KIF2A: variants seen among roughly 807,000 people sequenced by gnomAD.
KIF2A encodes kinesin family member 2A, also known as kinesin-like protein KIF2A.
A neutral mutation model predicts 100.2 loss-of-function variants in KIF2A; 22 were observed. The ratio of observed to expected loss-of-function variants is 0.22; its 90% confidence interval spans 0.16 to 0.31. KIF2A has a LOEUF of 0.31. KIF2A is among the 10% of genes least tolerant of loss of function. The pLI is 1.00. For synonymous variants in KIF2A, 268 were observed against 285.9 expected (o/e 0.94, Z 0.63); for missense variants, 495 against 898.7 (o/e 0.55, Z 5.74).
chr5:62,316,882 A>C (rs1745841435), intron 1 of KIF2A, among the ~76,000 whole-genome samples: 1 of 152,140 alleles, frequency 6.6e-6, no homozygotes, highest in Non-Finnish European at 1.5e-5. Context: ...AATTAATGAC[A>C]AAAAAATTAT....
chr5:62,320,487 T>C (rs146606129), intron 1 of KIF2A, among the ~76,000 whole-genome samples: 2 of 152,310 alleles, frequency 1.3e-5, no homozygotes, highest in East Asian at 3.9e-4. Flanking sequence ...TGTTTCCTCA[T>C]ACTCTTATCC....
At chr5:62,336,491 C>T (rs111964470) in intron 1 of KIF2A, among the ~76,000 whole-genome samples, 5 of 152,156 alleles carry the variant, frequency 3.3e-5, no homozygotes, top group Non-Finnish European at 7.3e-5. Flanking sequence ...AAATCATTAA[C>T]AGGATACCTA....
chr5:62,348,038 T>C lies in KIF2A; in HGVS notation c.160-10T>C. The C allele has an allele frequency of 2.5e-6, 4 of 1,613,490 alleles. No individual in the cohort carries two copies. Among genetic ancestry groups the C allele is most frequent in the Non-Finnish European group, 3.4e-6 (4 of 1,179,522 alleles). On this transcript the variant is annotated splice_polypyrimidine_tract_variant and intron_variant, in intron 2 of 20. Transcript: ENST00000407818. Reference sequence around the variant, plus strand: ...ACTCTCAAAAGACTATGTGTATGTGTTGTGAACAGATTGACCTGGAGAGCA... The same window carrying C: ...ACTCTCAAAAGACTATGTGTATGTGCTGTGAACAGATTGACCTGGAGAGCA...
At chr5:62,307,865 G>T (rs1745390359) in intron 1 of KIF2A, among the ~76,000 whole-genome samples, 1 of 152,136 alleles carries the variant, frequency 6.6e-6, no homozygotes, top group Non-Finnish European at 1.5e-5. Context: ...TGATCCACCT[G>T]CCTCGGCCTC....
chr5:62,351,741 A>G (rs1262254859), intron 4 of KIF2A, among the ~76,000 whole-genome samples: 1 of 152,170 alleles, frequency 6.6e-6, no homozygotes, highest in African/African-American at 2.4e-5. Flanking sequence ...TCTCTGCTGA[A>G]GATTTGCATA....
intron 1 of KIF2A, among the ~76,000 whole-genome samples, chr5:62,321,033 A>G (rs1746066813): frequency 6.6e-6 from 1 of 152,238 alleles, no homozygotes; most frequent in Non-Finnish European, 1.5e-5. Context: ...AAACTGTACA[A>G]TACATAGCCT....
chr5:62,330,309 C>T (rs1746568448), intron 1 of KIF2A, among the ~76,000 whole-genome samples: 1 of 151,954 alleles, frequency 6.6e-6, no homozygotes, highest in Non-Finnish European at 1.5e-5. Context: ...TAAGATTGCA[C>T]CATTCAACTC....
At chr5:62,332,788 A>G (rs1746720945) in intron 1 of KIF2A, among the ~76,000 whole-genome samples, 2 of 152,364 alleles carry the variant, frequency 1.3e-5, no homozygotes, top group Middle Eastern at 3.4e-3. Context: ...TGTGTGATCA[A>G]TACAATGAGA....
At chr5:62,337,839 G>T (rs1747052785) in intron 1 of KIF2A, among the ~76,000 whole-genome samples, 1 of 151,320 alleles carries the variant, frequency 6.6e-6, no homozygotes, top group Non-Finnish European at 1.5e-5. Context: ...GTAGCTTTGA[G>T]AAAGGAAAAT....
intron 1 of KIF2A, among the ~76,000 whole-genome samples, chr5:62,324,844 G>GA (rs59057535): frequency 2.6e-5 from 4 of 151,292 alleles, no homozygotes; most frequent in Non-Finnish European, 4.4e-5. Context: ...ACAACAAAAA[G>GA]AAAAAAAATG....
chr5:62,350,757 CA>C (rs1468866654), intron 4 of KIF2A, among the ~76,000 whole-genome samples: 1 of 151,458 alleles, frequency 6.6e-6, no homozygotes, highest in East Asian at 2.0e-4. Flanking sequence ...ACTAAAAATA[CA>C]AAAAATTAGC....
chr5:62,327,067 T>C (rs1482549100), intron 1 of KIF2A, among the ~76,000 whole-genome samples: 11 of 152,232 alleles, frequency 7.2e-5, no homozygotes, highest in Non-Finnish European at 2.9e-5. Flanking sequence ...TCCCTTTTGT[T>C]TGAAATACCT....
intron 1 of KIF2A, among the ~76,000 whole-genome samples, chr5:62,339,972 C>T (rs959863062): frequency 6.2e-5 from 8 of 129,332 alleles, no homozygotes; most frequent in Admixed American, 5.0e-4. Flanking sequence ...GAATTTTGCT[C>T]TTATTGTCCA....
chr5:62,323,400 G>C (rs1746207638), intron 1 of KIF2A, among the ~76,000 whole-genome samples: 1 of 151,992 alleles, frequency 6.6e-6, no homozygotes, highest in Non-Finnish European at 1.5e-5. Context: ...GCGGGCGCCT[G>C]TAGTCCTAGC....
intron 12 of KIF2A, among the ~76,000 whole-genome samples, chr5:62,362,928 G>C (rs1748481549): frequency 6.6e-6 from 1 of 152,158 alleles, no homozygotes; most frequent in Admixed American, 6.6e-5. Flanking sequence ...CTGAGCTCAA[G>C]TGAGCTTCCC....
intron 16 of KIF2A, among the ~76,000 whole-genome samples, chr5:62,369,675 A>AT (rs34109812): frequency 0.052 from 7,845 of 150,182 alleles, 618 homozygotes; most frequent in African/African-American, 0.18. Context: ...AGAGTCAGTA[A>AT]TTTTTTTTTT....
intron 6 of KIF2A, among the ~76,000 whole-genome samples, chr5:62,353,971 A>G (rs1000531501): frequency 4.6e-5 from 7 of 152,010 alleles, no homozygotes; most frequent in African/African-American, 7.3e-5. Context: ...GTTATTATAC[A>G]TAACTGCACC....
At chr5:62,366,766 G>T (rs1343450094) in intron 16 of KIF2A, among the ~76,000 whole-genome samples, 2 of 151,556 alleles carry the variant, frequency 1.3e-5, no homozygotes, top group Non-Finnish European at 2.9e-5. Context: ...GGGAGGCAGA[G>T]CTTGCAGTGA....
chr5:62,363,574 T>G, intron 13 of KIF2A, 121 bp from the exon 14 acceptor site: 1 of 876,702 alleles, frequency 1.1e-6, no homozygotes, highest in Admixed American at 2.6e-5. Context: ...CATCTGTATT[T>G]AAAAGATGAA....
Sources: allele counts gnomAD v4.1 joint callset (sites outside exome capture counted in the v4.1 genomes callset), GRCh38; gene constraint gnomAD v4.1.1; transcripts MANE v1.5; gene names NCBI Gene and HGNC (gene_info 2026-07-23, HGNC 2026-07-21).